ZNF487: variants seen among roughly 807,000 people sequenced by gnomAD.
ZNF487 encodes KRAB domain only 1.
ZNF487 carries 4 observed loss-of-function variants against 3.0 expected under a neutral mutation model. The ratio of observed to expected loss-of-function variants is 1.35; its 90% CI spans 0.66 to 3.08. The LOEUF (loss-of-function observed/expected upper bound fraction) is 3.08. Among genes scored for constraint, ZNF487 ranks in the 30% most tolerant of loss-of-function variants. The pLI is 0.01. For synonymous variants in ZNF487, 55 were observed against 34.6 expected (o/e 1.59, Z -2.06); for missense variants, 146 against 98.7 (o/e 1.48, Z -2.03).
rs1252792895 is a variant in ZNF487 at position 43,482,611 on chromosome 10, A to G, written c.*689A>G. ...AATGAATGTCAGAAAGCCTTTGGTG[A>G]TAGGTCAGCTCTAAAAGTACATCAG... On this transcript the variant is annotated 3_prime_UTR_variant, in exon 4 of 4. Transcript: ENST00000437590. 1 of 500,692 alleles carries G rather than the reference A, an allele frequency of 2.0e-6. No individual in the cohort carries two copies. Among genetic ancestry groups the G allele is most frequent in the East Asian group, 5.9e-5 (1 of 17,050 alleles). The allele number at this position is 500,692 out of a possible 1,614,324, so 31.0% of individuals were successfully genotyped here.
intron 1 of ZNF487, among the ~76,000 whole-genome samples, chr10:43,465,377 C>T (rs1414410839): frequency 6.7e-6 from 1 of 148,552 alleles, no homozygotes; most frequent in Non-Finnish European, 1.5e-5. Context: ...CGGAGGGGCT[C>T]CTCACTTCTC....
intron 1 of ZNF487, among the ~76,000 whole-genome samples, chr10:43,444,596 A>G (rs975808226): frequency 1.3e-5 from 2 of 151,754 alleles, no homozygotes; most frequent in African/African-American, 4.9e-5. Context: ...TGTTTTTGAG[A>G]TTAGGTTTCA....
At chr10:43,480,084 C>CTTTTCT (rs1554800858) in intron 3 of ZNF487, among the ~76,000 whole-genome samples, 13 of 139,720 alleles carry the variant, frequency 9.3e-5, no homozygotes, top group African/African-American at 3.3e-4. Flanking sequence ...TTCCTTCCTT[C>CTTTTCT]TTTCTTTTCT....
intron 1 of ZNF487, chr10:43,458,012 ACTCCGT>A (rs1840282545): frequency 6.6e-6 from 1 of 151,768 alleles, no homozygotes; most frequent in South Asian, 2.1e-4. Context: ...ACAGAGCGAG[ACTCCGT>A]CTCAATAAAA....
downstream of ZNF487, among the ~76,000 whole-genome samples, chr10:43,487,511 G>T (rs1274857614): frequency 2.0e-5 from 3 of 148,022 alleles, no homozygotes; most frequent in Non-Finnish European, 4.5e-5. Context: ...GTGCAATGGC[G>T]CAATCTCCGC....
At chr10:43,448,995 GAA>G (rs928786631) in intron 1 of ZNF487, among the ~76,000 whole-genome samples, 5 of 56,336 alleles carry the variant, frequency 8.9e-5, no homozygotes, top group East Asian at 5.0e-4. Context: ...ACCTGTCTCC[GAA>G]AAAAAAAAAA....
the ZNF487 span, among the ~76,000 whole-genome samples, chr10:43,511,120 T>C: frequency 6.6e-6 from 1 of 152,298 alleles, no homozygotes; most frequent in East Asian, 1.9e-4. Flanking sequence ...GGAGAAACAG[T>C]ACCATATATT....
At chr10:43,495,964 G>A in the ZNF487 span, 1 of 504,806 alleles carries the variant, frequency 2.0e-6, no homozygotes, top group African/African-American at 1.9e-5. Context: ...CCCAAACATT[G>A]CATAGTGTTT....
chr10:43,503,054 C>T, the ZNF487 span, among the ~76,000 whole-genome samples: 2 of 144,470 alleles, frequency 1.4e-5, no homozygotes, highest in South Asian at 2.2e-4. Context: ...AAAAAGGTGG[C>T]TGTAAAACAG....
At position 43,483,011 on chromosome 10, in the gene ZNF487, A is replaced by T. The variant is rs749773333; in HGVS notation, c.*1089A>T. ...GGGAGCAACCCTATGAATATAATGA[A>T]AGCTTTTACCAGAATCCCAACTTCA... On this transcript the variant is annotated 3_prime_UTR_variant, in exon 4 of 4. Coordinates refer to ENST00000437590, the MANE Select transcript of ZNF487 (RefSeq NM_001355444.3). 4 of 486,374 alleles carry T rather than the reference A, an allele frequency of 8.2e-6. No homozygotes were observed. Among genetic ancestry groups the T allele is most frequent in the Middle Eastern group, 3.2e-4 (1 of 3,128 alleles). The allele number at this position is 486,374 out of a possible 1,614,324, so 30.1% of individuals were successfully genotyped here.
intron 1 of ZNF487, among the ~76,000 whole-genome samples, chr10:43,457,547 T>A (rs1589032542): frequency 7.7e-6 from 1 of 129,522 alleles, no homozygotes; most frequent in African/African-American, 3.0e-5. Context: ...AAAGCAAGAC[T>A]CTGTCTTGGG....
chr10:43,502,885 G>T, the ZNF487 span, among the ~76,000 whole-genome samples: 1 of 152,052 alleles, frequency 6.6e-6, no homozygotes, highest in Non-Finnish European at 1.5e-5. Context: ...ATAAAAATCA[G>T]CCAGATGTGG....
At chr10:43,498,000 A>ATG in the ZNF487 span, among the ~76,000 whole-genome samples, 3 of 111,176 alleles carry the variant, frequency 2.7e-5, no homozygotes, top group African/African-American at 9.4e-5. Context: ...ATATATATAT[A>ATG]TGTATATGGA....
At chr10:43,473,436 T>C (rs2132129198) in intron 1 of ZNF487, among the ~76,000 whole-genome samples, 1 of 152,214 alleles carries the variant, frequency 6.6e-6, no homozygotes, top group East Asian at 1.9e-4. Context: ...GTATTTTTCT[T>C]TTTATTAGAG....
chr10:43,479,962 CTT>C (rs1331687122), intron 3 of ZNF487, among the ~76,000 whole-genome samples: 6 of 43,556 alleles, frequency 1.4e-4, no homozygotes, highest in Non-Finnish European at 3.3e-4. Context: ...GACTCTCTTT[CTT>C]TCTTTCTTTT....
At chr10:43,519,530 C>T in the ZNF487 span, among the ~76,000 whole-genome samples, 671 of 150,078 alleles carry the variant, frequency 4.5e-3, 16 homozygotes, top group East Asian at 0.074. Context: ...TGCACTGGTG[C>T]GATCTTGGCT....
intron 1 of ZNF487, among the ~76,000 whole-genome samples, chr10:43,448,102 G>A (rs1480949035): frequency 6.9e-6 from 1 of 145,014 alleles, no homozygotes; most frequent in Non-Finnish European, 1.5e-5. Flanking sequence ...CTATTCTCCT[G>A]CCTCAGCCTC....
chr10:43,500,150 C>G, the ZNF487 span, among the ~76,000 whole-genome samples: 3 of 152,114 alleles, frequency 2.0e-5, no homozygotes, highest in East Asian at 5.8e-4. Flanking sequence ...GCTGGGATTA[C>G]AGGCATGAGC....
At chr10:43,501,057 C>T in the ZNF487 span, among the ~76,000 whole-genome samples, 20 of 152,268 alleles carry the variant, frequency 1.3e-4, no homozygotes, top group African/African-American at 3.6e-4. Flanking sequence ...TATAGCCTAC[C>T]ACACATCTAG....
Sources: allele counts gnomAD v4.1 joint callset (sites outside exome capture counted in the v4.1 genomes callset), GRCh38; gene constraint gnomAD v4.1.1; transcripts MANE v1.5; gene names NCBI Gene and HGNC (gene_info 2026-07-23, HGNC 2026-07-21).